PHLDB2: variants seen among roughly 807,000 people sequenced by gnomAD.
The protein encoded by PHLDB2 is pleckstrin homology-like domain family B member 2.
PHLDB2 carries 71 observed loss-of-function variants against 123.6 expected under a neutral mutation model. The ratio of observed to expected loss-of-function variants is 0.57; its 90% CI spans 0.47 to 0.70. PHLDB2 has a LOEUF of 0.70. PHLDB2 is among the 30% of genes least tolerant of loss of function. The pLI, the probability that PHLDB2 is intolerant of heterozygous loss-of-function variation, is 0.00. For missense variants in PHLDB2, 1,446 were observed against 1,519.5 expected (o/e 0.95, Z 0.80); for synonymous variants, 547 against 541.6 (o/e 1.01, Z -0.14).
chr3:111,816,287 G>T (rs2108367846), intron 1 of PHLDB2, among the ~76,000 whole-genome samples: 1 of 152,284 alleles, frequency 6.6e-6, no homozygotes, highest in Middle Eastern at 3.4e-3. Flanking sequence ...CAGAATGGTA[G>T]ATCCACTGAC....
chr3:111,867,137 T>C (rs1412423729), intron 1 of PHLDB2, among the ~76,000 whole-genome samples: 1 of 152,086 alleles, frequency 6.6e-6, no homozygotes, highest in Admixed American at 6.6e-5. Context: ...ATCTTGAAAA[T>C]GTATTTGCTT....
At chr3:111,751,471 T>C (rs1435390335) in intron 1 of PHLDB2, among the ~76,000 whole-genome samples, 1 of 152,090 alleles carries the variant, frequency 6.6e-6, no homozygotes, top group Admixed American at 6.6e-5. Context: ...TTAAAGTCAA[T>C]TGTGGATTGT....
In PHLDB2 at chr3:111,949,011, A is replaced by G; in HGVS notation, c.2567A>G (p.Asp856Gly). 6.2e-7 allele frequency: 1 copy of G among 1,613,922 alleles called. No individual in the cohort carries two copies. Among genetic ancestry groups the G allele is most frequent in the Admixed American group, 1.7e-5 (1 of 59,996 alleles). ...TCCCCTTCCACTCAGTTTCCTGCTG[A>G]TGCTGATGCTGTTGCCACTGAGCCT... ...NLSPSTQFPA[D>G]ADAVATEPAT... Residue 856 changes from aspartate (D) to glycine (G), a missense_variant, in exon 10 of 18, where the codon GAT becomes GGT. Physicochemically the swap from Asp to Gly is moderately conservative, Grantham distance 94 (BLOSUM62 -1). This residue lies in a region of PHLDB2 where 594 missense variants were observed against 646.0 expected (regional missense o/e 0.92). Transcript: ENST00000431670.
chr3:111,769,851 A>G (rs1013756893), intron 1 of PHLDB2, among the ~76,000 whole-genome samples: 1 of 152,264 alleles, frequency 6.6e-6, no homozygotes, highest in Non-Finnish European at 1.5e-5. Context: ...GATGAAACAC[A>G]TATGTTTAAG....
intron 2 of PHLDB2, among the ~76,000 whole-genome samples, chr3:111,893,899 T>C (rs1275832556): frequency 8.0e-6 from 1 of 125,514 alleles, no homozygotes; most frequent in Non-Finnish European, 1.7e-5. Flanking sequence ...TTTGGATTTA[T>C]TTTTATTTAT....
intron 1 of PHLDB2, among the ~76,000 whole-genome samples, chr3:111,739,882 C>G (rs1402394832): frequency 2.0e-5 from 3 of 152,082 alleles, no homozygotes; most frequent in Non-Finnish European, 4.4e-5. Flanking sequence ...TCTGGTTTCC[C>G]TATTAAAATC....
intron 1 of PHLDB2, among the ~76,000 whole-genome samples, chr3:111,750,112 C>T (rs1246712328): frequency 6.6e-6 from 1 of 152,124 alleles, no homozygotes; most frequent in African/African-American, 2.4e-5. Context: ...CCAACAGCTG[C>T]ACCAGCTAAG....
chr3:111,855,849 C>T (rs1002776537), upstream of PHLDB2, among the ~76,000 whole-genome samples: 1 of 151,994 alleles, frequency 6.6e-6, no homozygotes, highest in African/African-American at 2.4e-5. Flanking sequence ...CCAGGCTGCT[C>T]TGGAACTTCT....
chr3:111,838,956 A>G (rs1273316975), intron 1 of PHLDB2, among the ~76,000 whole-genome samples: 2 of 152,178 alleles, frequency 1.3e-5, no homozygotes, highest in Non-Finnish European at 2.9e-5. Flanking sequence ...ATCATTTAAC[A>G]TATTTCTATT....
In PHLDB2 at chr3:111,859,448, C is replaced by T. The variant is rs78431011; in HGVS notation, c.-143C>T. ...TGGTTACAAAGGGGGTCAAGAGTGC[C>T]GGACCCAGCCGCGCGGAGCCCACCA... is the stretch of plus-strand genomic sequence containing the variant. On this transcript the variant is annotated 5_prime_UTR_variant, in exon 1 of 18. Transcript: ENST00000431670. 1.0e-6 allele frequency: 1 copy of T among 985,422 alleles called. No homozygotes were observed. The highest frequency in any genetic ancestry group is 1.2e-6 in the Non-Finnish European group (1 of 829,974). 61.0% of individuals were successfully genotyped at this position (985,422 alleles called of 1,614,324 possible).
At chr3:111,743,175 A>C (rs1167055469) in intron 1 of PHLDB2, among the ~76,000 whole-genome samples, 1 of 152,222 alleles carries the variant, frequency 6.6e-6, no homozygotes, top group Admixed American at 6.5e-5. Flanking sequence ...TGAATATCCT[A>C]AGGAGGTGAA....
chr3:111,886,940 C>T (rs2066200254), intron 2 of PHLDB2, among the ~76,000 whole-genome samples: 3 of 152,198 alleles, frequency 2.0e-5, no homozygotes, highest in African/African-American at 4.8e-5. Flanking sequence ...CCATGCAGAG[C>T]AACTATTATT....
Position 111,861,136 on chromosome 3 carries a change from C to T in PHLDB2, c.-15+1560C>T, listed in dbSNP as rs58775714. Among the ~76,000 whole-genome samples the T allele has an allele frequency of 3.9e-3, 600 of 152,260 alleles. 6 individuals carry two copies. The highest frequency in any genetic ancestry group is 0.013 in the African/African-American group (558 of 41,544). On this transcript the variant is annotated intron_variant, in intron 1 of 17. Transcript: ENST00000431670. ...CCTGGTAGGTTAGCAACAGAACTGT[C>T]GGATTTGGGATAAATAAACCGTTAG...
At chr3:111,835,559 C>T (rs1361848008) in intron 1 of PHLDB2, among the ~76,000 whole-genome samples, 3 of 152,184 alleles carry the variant, frequency 2.0e-5, no homozygotes, top group Non-Finnish European at 4.4e-5. Flanking sequence ...TGCAGTGTAA[C>T]AGACACCCCA....
chr3:111,794,453 T>G (rs1324652738), intron 1 of PHLDB2, among the ~76,000 whole-genome samples: 1 of 152,178 alleles, frequency 6.6e-6, no homozygotes, highest in African/African-American at 2.4e-5. Flanking sequence ...GTTAAAACCA[T>G]GTACTGTGAT....
intron 1 of PHLDB2, among the ~76,000 whole-genome samples, chr3:111,829,468 G>T (rs201195013): frequency 1.7e-3 from 133 of 79,980 alleles, no homozygotes; most frequent in African/African-American, 3.4e-3. Context: ...CTTTTTTTTT[G>T]GTTTTTTTTT....
chr3:111,932,132 CAA>C (rs1334837000), intron 5 of PHLDB2, 135 bp from the exon 6 acceptor site: 9 of 949,028 alleles, frequency 9.5e-6, no homozygotes, highest in Non-Finnish European at 1.4e-5. Flanking sequence ...TAGCCACTAA[CAA>C]GATACGTTTC....
chr3:111,945,942 C>T (rs1054936578), intron 9 of PHLDB2, among the ~76,000 whole-genome samples: 2 of 152,042 alleles, frequency 1.3e-5, no homozygotes, highest in African/African-American at 4.8e-5. Flanking sequence ...CCACTTTGCC[C>T]ACCAGATATC....
intron 1 of PHLDB2, among the ~76,000 whole-genome samples, chr3:111,812,193 T>C (rs187144400): frequency 3.3e-5 from 5 of 152,362 alleles, no homozygotes; most frequent in Non-Finnish European, 4.4e-5. Flanking sequence ...TTCTAGGATG[T>C]TCCCAGTCAT....
Sources: gnomAD v4.1 joint callset for allele counts (sites outside exome capture counted in the v4.1 genomes callset) on GRCh38, gnomAD v4.1.1 for gene constraint, gnomAD v4.1.1 regional missense constraint, MANE v1.5 for transcripts, NCBI Gene and HGNC (gene_info 2026-07-23, HGNC 2026-07-21) for gene names.